DCLK2: variants seen among roughly 807,000 people sequenced by gnomAD.
DCLK2 encodes the protein serine/threonine-protein kinase DCLK2.
DCLK2 carries 31 observed loss-of-function variants against 78.4 expected under a neutral mutation model. The observed-to-expected ratio is 0.40, with a 90% CI of 0.30 to 0.53. The LOEUF is 0.53. Among genes scored for constraint, DCLK2 ranks in the 20% least tolerant of loss-of-function variants. DCLK2 has a pLI of 0.61. For missense variants in DCLK2, 872 were observed against 973.7 expected, an observed-to-expected ratio of 0.90 and a Z score of 1.39; for synonymous variants, 407 against 374.9, an observed-to-expected ratio of 1.09 and a Z score of -0.99.
intron 2 of DCLK2, among the ~76,000 whole-genome samples, chr4:150,170,569 G>A (rs763715714): frequency 6.6e-6 from 1 of 152,136 alleles, no homozygotes; most frequent in Non-Finnish European, 1.5e-5. Flanking sequence ...TGCGAGTAGC[G>A]AGGTTCATAG....
intron 2 of DCLK2, among the ~76,000 whole-genome samples, chr4:150,153,606 G>GT (rs1340820851): frequency 6.6e-6 from 1 of 151,894 alleles, no homozygotes; most frequent in Non-Finnish European, 1.5e-5. Flanking sequence ...TAGAGACGGG[G>GT]TTTTTTCCAT....
At chr4:150,239,557 C>T (rs1272137276) in intron 10 of DCLK2, among the ~76,000 whole-genome samples, 185 bp from the exon 11 acceptor site, 1 of 151,918 alleles carries the variant, frequency 6.6e-6, no homozygotes, top group Non-Finnish European at 1.5e-5. Flanking sequence ...GCTGTGGTCA[C>T]ACCACCGCAC....
At chr4:150,182,057 A>T (rs1056705854) in intron 2 of DCLK2, among the ~76,000 whole-genome samples, 5 of 150,018 alleles carry the variant, frequency 3.3e-5, no homozygotes, top group East Asian at 2.0e-4. Context: ...AATTAAAAAA[A>T]TTTTTTTCGA....
At chr4:150,124,905 G>A (rs1044870779) in intron 2 of DCLK2, among the ~76,000 whole-genome samples, 1 of 152,132 alleles carries the variant, frequency 6.6e-6, no homozygotes, top group Non-Finnish European at 1.5e-5. Flanking sequence ...AGTATGATTT[G>A]TGCCCCCAAG....
intron 8 of DCLK2, among the ~76,000 whole-genome samples, chr4:150,227,871 G>A (rs574457572): frequency 1.8e-4 from 27 of 152,260 alleles, no homozygotes; most frequent in African/African-American, 4.3e-4. Context: ...GGAAGTATTC[G>A]TTTCCCCAGG....
At chr4:150,152,725 A>C (rs187933951) in intron 2 of DCLK2, among the ~76,000 whole-genome samples, 1 of 152,356 alleles carries the variant, frequency 6.6e-6, no homozygotes, top group Admixed American at 6.5e-5. Flanking sequence ...TTAATGGTTA[A>C]GATACAACCC....
In DCLK2 at chr4:150,184,047, A is replaced by G. The variant is rs527762274; in HGVS notation, c.757-9091A>G. 2.2e-4 allele frequency among the ~76,000 whole-genome samples: 33 copies of G among 152,252 alleles called. 1 individual carries two copies. In the South Asian group the frequency reaches 6.6e-3, roughly 31 times the overall value. On this transcript the variant is annotated intron_variant, in intron 2 of 15. Transcript: ENST00000296550. ...CCACACCCAGCCTCAAGGCATTTCA[A>G]TCATTATGCATTCAACAGAAATGTA... is the stretch of plus-strand genomic sequence containing the variant.
intron 1 of DCLK2, among the ~76,000 whole-genome samples, chr4:150,093,031 A>C (rs1730203797): frequency 6.6e-6 from 1 of 152,248 alleles, no homozygotes; most frequent in South Asian, 2.1e-4. Flanking sequence ...TCTTATATGT[A>C]GAAAACCCTG....
chr4:150,249,836 C>A (rs764973998), intron 15 of DCLK2, 152 bp downstream of exon 15: 2 of 681,528 alleles, frequency 2.9e-6, no homozygotes, highest in Admixed American at 2.2e-5. Context: ...GGCACTCATT[C>A]GGCAACTCCC....
chr4:150,231,322 G>T (rs907546168), intron 8 of DCLK2, among the ~76,000 whole-genome samples: 2 of 152,226 alleles, frequency 1.3e-5, no homozygotes, highest in African/African-American at 4.8e-5. Flanking sequence ...CACTCGCTAA[G>T]ATTTATTGAG....
At chr4:150,183,146 GT>G (rs1208481889) in intron 2 of DCLK2, among the ~76,000 whole-genome samples, 1 of 152,166 alleles carries the variant, frequency 6.6e-6, no homozygotes, top group East Asian at 1.9e-4. Context: ...CCTTTACTCT[GT>G]TTAGATAAGT....
chr4:150,184,934 AC>A (rs1737809867), intron 2 of DCLK2, among the ~76,000 whole-genome samples: 1 of 150,520 alleles, frequency 6.6e-6, no homozygotes, highest in Non-Finnish European at 1.5e-5. Context: ...TTCCTAACAC[AC>A]CCCACTCGGG....
At chr4:150,122,777 A>C (rs76891959) in intron 2 of DCLK2, among the ~76,000 whole-genome samples, 35,570 of 152,050 alleles carry the variant, frequency 0.23, 4,509 homozygotes, top group African/African-American at 0.34. Context: ...TTTAATGTAT[A>C]CACCTTCATC....
Position 150,078,718 on chromosome 4 carries a change from A to C in DCLK2, c.-310A>C. ...CTCTCCCGGTCGGCTCCCGAGCGGG[A>C]CTTGTGAGGCGTGGCCGGGTGGAGG... On this transcript the variant is annotated 5_prime_UTR_variant, in exon 1 of 16. Coordinates refer to ENST00000296550, the MANE Select transcript of DCLK2 (RefSeq NM_001040260.4). 1 of 228,290 alleles carries C rather than the reference A, an allele frequency of 4.4e-6. No individual in the cohort carries two copies. The highest frequency in any genetic ancestry group is 8.5e-6 in the Non-Finnish European group (1 of 117,820). The allele number at this position is 228,290 out of a possible 1,614,324, so 14.1% of individuals were successfully genotyped here. A position where few individuals can be genotyped will look rare whatever the true frequency, so the allele number is the denominator to read the frequency against.
At chr4:150,184,351 C>T (rs76119248) in intron 2 of DCLK2, among the ~76,000 whole-genome samples, 2 of 152,144 alleles carry the variant, frequency 1.3e-5, no homozygotes, top group Non-Finnish European at 2.9e-5. Flanking sequence ...TTCTTTTACT[C>T]TCTCTCAGAA....
intron 2 of DCLK2, among the ~76,000 whole-genome samples, chr4:150,155,314 T>C (rs560884317): frequency 6.6e-6 from 1 of 152,342 alleles, no homozygotes; most frequent in South Asian, 2.1e-4. Context: ...ATTAACAACC[T>C]ACAGATAAGA....
intron 1 of DCLK2, among the ~76,000 whole-genome samples, chr4:150,082,025 A>G (rs1729336652): frequency 6.6e-6 from 1 of 151,856 alleles, no homozygotes; most frequent in Non-Finnish European, 1.5e-5. Flanking sequence ...GAAAAGAAAA[A>G]AAGAAAAAGA....
chr4:150,228,108 A>G (rs1741752433), intron 8 of DCLK2, among the ~76,000 whole-genome samples: 1 of 152,128 alleles, frequency 6.6e-6, no homozygotes, highest in Non-Finnish European at 1.5e-5. Flanking sequence ...TGTCTGTGTG[A>G]AACTTCCCTG....
chr4:150,141,895 C>T (rs1174152335), intron 2 of DCLK2, among the ~76,000 whole-genome samples: 1 of 152,152 alleles, frequency 6.6e-6, no homozygotes, highest in Non-Finnish European at 1.5e-5. Context: ...GGTAATTGTG[C>T]TAAACCATAC....
Sources: gnomAD v4.1 joint callset for allele counts (sites outside exome capture counted in the v4.1 genomes callset) on GRCh38, gnomAD v4.1.1 for gene constraint, MANE v1.5 for transcripts, NCBI Gene and HGNC (gene_info 2026-07-23, HGNC 2026-07-21) for gene names.